CCDC85C: variants seen among roughly 807,000 people sequenced by gnomAD.
CCDC85C encodes coiled-coil domain containing 85C, also known as coiled-coil domain-containing protein 85C.
A neutral mutation model predicts 38.3 loss-of-function variants in CCDC85C; 18 were observed. The ratio of observed to expected loss-of-function variants is 0.47; its 90% CI spans 0.33 to 0.70. CCDC85C has a LOEUF of 0.70. Ranked by LOEUF, CCDC85C falls within the 30% of genes least tolerant of loss-of-function variation. The pLI is 0.03. For missense variants in CCDC85C, 566 were observed against 621.2 expected (o/e 0.91, Z 0.94); for synonymous variants, 264 against 293.8 (o/e 0.90, Z 1.04).
Position 99,544,527 on chromosome 14 carries a change from T to G in CCDC85C, c.794-8439A>C. On this transcript the variant is annotated intron_variant, in intron 1 of 5. Transcript: ENST00000380243. This position sits in a 1 kb window ranked among gnomAD's most constrained non-coding sequence, Gnocchi z 5.3. ...GTGTGTGTGTGTGTGTCTGTGTGTC[T>G]GTGTGTTCCCACACCCAGGACTCTT... Among the ~76,000 whole-genome samples the G allele has an allele frequency of 6.6e-6, 1 of 152,026 alleles. No individual in the cohort carries two copies. The highest frequency in any genetic ancestry group is 6.6e-5 in the Admixed American group (1 of 15,266).
At position 99,588,228 on chromosome 14, in the gene CCDC85C, A is replaced by T. The variant is rs1407538727; in HGVS notation, c.793+14939T>A. ...TCTTTCCCACTACAAAGGAATGCCGAGTCCAACCTGCTTGGGATGCAGCTG... is the reference window on the plus strand; with the variant it reads ...TCTTTCCCACTACAAAGGAATGCCGTGTCCAACCTGCTTGGGATGCAGCTG... On this transcript the variant is annotated intron_variant, in intron 1 of 5. Coordinates refer to ENST00000380243, the MANE Select transcript of CCDC85C (RefSeq NM_001144995.2). The surrounding 1 kb of genome is among the most constrained non-coding windows in gnomAD (Gnocchi z 5.0). Among the ~76,000 whole-genome samples, 1 of 152,110 alleles carries T rather than the reference A, an allele frequency of 6.6e-6. No individual in the cohort carries two copies. The highest frequency in any genetic ancestry group is 2.4e-5 in the African/African-American group (1 of 41,446).
intron 1 of CCDC85C, among the ~76,000 whole-genome samples, chr14:99,596,841 G>C (rs983403903): frequency 1.3e-5 from 2 of 152,172 alleles, no homozygotes; most frequent in Non-Finnish European, 2.9e-5. Context: ...AACCACCCTA[G>C]ATGTAGGGAT....
At chr14:99,555,744 T>C (rs1897997836) in intron 1 of CCDC85C, among the ~76,000 whole-genome samples, 1 of 152,212 alleles carries the variant, frequency 6.6e-6, no homozygotes, top group South Asian at 2.1e-4. Context: ...GACAAGTGCG[T>C]GTCTGCCTGC....
rs1364550302 is a variant in CCDC85C at position 99,503,806 on chromosome 14, T to A, written c.*11440A>T. ...CAGCATTGTCTTTCTGTTCATCACC[T>A]GATCATAGATTCTAAAATTGTGCTC... is the stretch of plus-strand genomic sequence containing the variant. On this transcript the variant is annotated 3_prime_UTR_variant, in exon 6 of 6. Transcript: ENST00000380243. 8 of 611,562 alleles carry A rather than the reference T, an allele frequency of 1.3e-5. 1 individual carries two copies. Among genetic ancestry groups the A allele is most frequent in the South Asian group, 1.3e-4 (6 of 47,442 alleles). The allele number at this position is 611,562 out of a possible 1,614,324, so 37.9% of individuals were successfully genotyped here. A position where few individuals can be genotyped will look rare whatever the true frequency, so the allele number is the denominator to read the frequency against.
At position 99,510,852 on chromosome 14, in the gene CCDC85C, G is replaced by T; in HGVS notation, c.*4394C>A. The T allele has an allele frequency of 7.7e-7, 1 of 1,292,706 alleles. No homozygotes were observed. The highest frequency in any genetic ancestry group is 1.0e-6 in the Non-Finnish European group (1 of 993,778). 80.1% of individuals were successfully genotyped at this position (1,292,706 alleles called of 1,614,324 possible). On this transcript the variant is annotated 3_prime_UTR_variant, in exon 6 of 6. Transcript: ENST00000380243. ...ATCGACTTGCAGAGTAGTTGAAGTG[G>T]GTAAGCAGCAGGGTACCTTGTATAA... is the stretch of plus-strand genomic sequence containing the variant.
At chr14:99,600,817 G>A (rs2055190718) in intron 1 of CCDC85C, among the ~76,000 whole-genome samples, 1 of 152,210 alleles carries the variant, frequency 6.6e-6, no homozygotes, top group Admixed American at 6.5e-5. Flanking sequence ...ATCTCCCTCA[G>A]CTCAGGCCCA....
intron 1 of CCDC85C, among the ~76,000 whole-genome samples, chr14:99,584,340 C>T (rs750771496): frequency 3.9e-5 from 6 of 152,174 alleles, no homozygotes; most frequent in African/African-American, 1.2e-4. Context: ...CGATAAATCA[C>T]GTGGTGGTGG....
At chr14:99,547,281 G>A (rs1897824874) in intron 1 of CCDC85C, among the ~76,000 whole-genome samples, 1 of 152,154 alleles carries the variant, frequency 6.6e-6, no homozygotes, top group Admixed American at 6.5e-5. Context: ...ATCGTATACT[G>A]TACGTTTCCA....
At position 99,548,623 on chromosome 14, in the gene CCDC85C, C is replaced by T. The variant is rs1340902350; in HGVS notation, c.794-12535G>A. On this transcript the variant is annotated intron_variant, in intron 1 of 5. Transcript: ENST00000380243. The surrounding 1 kb of genome is among the most constrained non-coding windows in gnomAD (Gnocchi z 4.9). ...CTCCCCAGGAGACCAGACAAATTGT[C>T]GTTTAACCCAACAATGAAATACTGT... 2.0e-5 allele frequency among the ~76,000 whole-genome samples: 3 copies of T among 151,606 alleles called. No individual in the cohort carries two copies. Among genetic ancestry groups the T allele is most frequent in the Non-Finnish European group, 4.4e-5 (3 of 67,982 alleles).
rs1366939214 is a variant in CCDC85C at position 99,595,733 on chromosome 14, G to A, written c.793+7434C>T. Among the ~76,000 whole-genome samples the A allele has an allele frequency of 5.9e-5, 9 of 152,304 alleles. No individual in the cohort carries two copies. In the East Asian group the frequency reaches 7.7e-4, roughly 13 times the overall value. ...GGACATACCGGCTGGCACAGGCTCCGGGTTCAACTGGACGGGAGTCCCTGA... is the reference window on the plus strand; with the variant it reads ...GGACATACCGGCTGGCACAGGCTCCAGGTTCAACTGGACGGGAGTCCCTGA... On this transcript the variant is annotated intron_variant, in intron 1 of 5. Coordinates refer to ENST00000380243, the MANE Select transcript of CCDC85C (RefSeq NM_001144995.2).
rs1027323171 is a variant in CCDC85C at position 99,577,451 on chromosome 14, T to G, written c.793+25716A>C. Among the ~76,000 whole-genome samples the G allele has an allele frequency of 3.5e-4, 49 of 141,338 alleles. 1 individual carries two copies. Among genetic ancestry groups the G allele is most frequent in the African/African-American group, 1.2e-3 (48 of 39,564 alleles). The allele number at this position is 141,338 out of a possible 152,430, so 92.7% of individuals were successfully genotyped here. On this transcript the variant is annotated intron_variant, in intron 1 of 5. Transcript: ENST00000380243. Reference sequence around the variant, plus strand: ...GGGAGGCCCAGGGTGACTCCATGTCTGCCGCCCACTTGCTGGGCACGCCGC... The same window carrying G: ...GGGAGGCCCAGGGTGACTCCATGTCGGCCGCCCACTTGCTGGGCACGCCGC...
At position 99,509,790 on chromosome 14, in the gene CCDC85C, C is replaced by T. The variant is rs1897073705; in HGVS notation, c.*5456G>A. On this transcript the variant is annotated 3_prime_UTR_variant, in exon 6 of 6. Coordinates refer to ENST00000380243, the MANE Select transcript of CCDC85C (RefSeq NM_001144995.2). ...CAGGAGTTCAGTGTGGCCCTGACCCCTGGGGTCAGTTTCTGAAGGCAGAAA... is the reference window on the plus strand; with the variant it reads ...CAGGAGTTCAGTGTGGCCCTGACCCTTGGGGTCAGTTTCTGAAGGCAGAAA... 1 of 311,098 alleles carries T rather than the reference C, an allele frequency of 3.2e-6. No individual in the cohort carries two copies. Among genetic ancestry groups the T allele is most frequent in the Non-Finnish European group, 6.0e-6 (1 of 167,948 alleles). 19.3% of individuals were successfully genotyped at this position (311,098 alleles called of 1,614,324 possible).
chr14:99,522,110 G>C (rs1198476685), intron 3 of CCDC85C, 23 bp downstream of exon 3: 1 of 1,530,470 alleles, frequency 6.5e-7, no homozygotes, highest in South Asian at 1.2e-5. Flanking sequence ...GAACATGTGG[G>C]CTTTTTTGGG....
At chr14:99,560,872 C>A (rs569771123) in intron 1 of CCDC85C, among the ~76,000 whole-genome samples, 13 of 152,240 alleles carry the variant, frequency 8.5e-5, no homozygotes, top group South Asian at 2.1e-4. Flanking sequence ...AGAAGGGAAG[C>A]AAGGTCTGGA....
At position 99,522,271 on chromosome 14, in the gene CCDC85C, G is replaced by C. The variant is rs1008726006; in HGVS notation, c.868-31C>G. 1.1e-5 allele frequency: 16 copies of C among 1,494,888 alleles called. No individual in the cohort carries two copies. In the African/African-American group the frequency reaches 1.4e-4, roughly 13 times the overall value. 92.6% of individuals were successfully genotyped at this position (1,494,888 alleles called of 1,614,324 possible). A position where few individuals can be genotyped will look rare whatever the true frequency, so the allele number is the denominator to read the frequency against. On this transcript the variant is annotated intron_variant, in intron 2 of 5. Coordinates refer to ENST00000380243, the MANE Select transcript of CCDC85C (RefSeq NM_001144995.2). ...GGGGAGAGAAGGAGAGGGGTTAGAC[G>C]GAGGGCCAGGCTGAGGAGGACAAGG...
intron 2 of CCDC85C, among the ~76,000 whole-genome samples, chr14:99,523,797 T>G (rs1413448103): frequency 1.3e-5 from 2 of 152,152 alleles, no homozygotes; most frequent in African/African-American, 2.4e-5. Context: ...CACGGGGGCC[T>G]TGGGCACAGC....
chr14:99,604,110 G>T lies in CCDC85C; in HGVS notation c.-151C>A. ...GCCGCCTGGCGCGTCCTCTCGCCGC[G>T]CCCGCCGGGGCCGCCCGGGAGCCCG... is the stretch of plus-strand genomic sequence containing the variant. On this transcript the variant is annotated 5_prime_UTR_variant, in exon 1 of 6. Coordinates refer to ENST00000380243, the MANE Select transcript of CCDC85C (RefSeq NM_001144995.2). 2 of 651,556 alleles carry T rather than the reference G, an allele frequency of 3.1e-6. No homozygotes were observed. Among genetic ancestry groups the T allele is most frequent in the Non-Finnish European group, 3.8e-6 (2 of 529,418 alleles). 40.4% of individuals were successfully genotyped at this position (651,556 alleles called of 1,614,324 possible).
rs1344050953 is a variant in CCDC85C, at chr14:99,515,353, A to T, written c.1171-18T>A. ...CAGACCACCTGTGGAGAGGAGAGAG[A>T]TGTGAGTGGTGGGACTCACCCGCGT... On this transcript the variant is annotated intron_variant, in intron 5 of 5. Transcript: ENST00000380243. 5.8e-6 allele frequency: 9 copies of T among 1,543,796 alleles called. No individual in the cohort carries two copies. The South Asian group carries it at 7.2e-5, about 12-fold the overall frequency.
At chr14:99,531,590 G>T (rs986965798) in intron 2 of CCDC85C, among the ~76,000 whole-genome samples, 4 of 126,820 alleles carry the variant, frequency 3.2e-5, no homozygotes, top group Admixed American at 2.6e-4. Flanking sequence ...GGGTGGGGGG[G>T]GGGGTGGGAC....
Sources: gnomAD v4.1 joint callset for allele counts (sites outside exome capture counted in the v4.1 genomes callset) on GRCh38, gnomAD v4.1.1 for gene constraint, Gnocchi (gnomAD v3.1) non-coding constraint, MANE v1.5 for transcripts, NCBI Gene and HGNC (gene_info 2026-07-23, HGNC 2026-07-21) for gene names.